The following ERC2 variants were observed in gnomAD, a reference collection of about 807,000 sequenced individuals.
ERC2 encodes the protein ELKS/RAB6-interacting/CAST family member 2.
ERC2 carries 42 observed loss-of-function variants against 114.8 expected under a neutral mutation model. The ratio of observed to expected loss-of-function variants is 0.37; its 90% CI spans 0.29 to 0.47. The LOEUF (loss-of-function observed/expected upper bound fraction) is 0.47. Among genes scored for constraint, ERC2 ranks in the 20% least tolerant of loss-of-function variants. ERC2 has a pLI of 0.99. For synonymous variants in ERC2, 454 were observed against 425.5 expected (o/e 1.07, Z -0.82); for missense variants, 939 against 1,150.7 (o/e 0.82, Z 2.66).
intron 13 of ERC2, among the ~76,000 whole-genome samples, chr3:55,940,372 G>T (rs188951574): frequency 6.6e-6 from 1 of 151,858 alleles, no homozygotes; most frequent in African/African-American, 2.4e-5. Flanking sequence ...TGATACATTC[G>T]TCTCTCACCC....
intron 7 of ERC2, among the ~76,000 whole-genome samples, chr3:56,025,008 G>C (rs1332870365): frequency 6.6e-6 from 1 of 152,186 alleles, no homozygotes; most frequent in Non-Finnish European, 1.5e-5. Context: ...TGTTGAACCT[G>C]TGTCGCACGT....
At chr3:56,016,627 G>C (rs1218359865) in intron 8 of ERC2, among the ~76,000 whole-genome samples, 2 of 151,984 alleles carry the variant, frequency 1.3e-5, no homozygotes, top group Non-Finnish European at 2.9e-5. Flanking sequence ...CCTAACAATA[G>C]AGACTTTCAA....
chr3:55,581,904 G>A (rs189170911), intron 17 of ERC2, among the ~76,000 whole-genome samples: 1 of 152,260 alleles, frequency 6.6e-6, no homozygotes, highest in East Asian at 1.9e-4. Context: ...CTAGAGTCAT[G>A]AGGCCGATCA....
At chr3:55,672,233 G>A (rs141749293) in intron 17 of ERC2, among the ~76,000 whole-genome samples, 1 of 151,470 alleles carries the variant, frequency 6.6e-6, no homozygotes, top group African/African-American at 2.4e-5. Flanking sequence ...AGCTACATGG[G>A]AGGCTGATGT....
At chr3:55,813,053 T>C (rs2059781158) in intron 14 of ERC2, among the ~76,000 whole-genome samples, 1 of 152,226 alleles carries the variant, frequency 6.6e-6, no homozygotes, top group Non-Finnish European at 1.5e-5. Context: ...AATACTGTCA[T>C]TATCCCTATT....
chr3:55,915,377 G>A lies in ERC2; in HGVS notation c.2404-26828C>T, dbSNP rs896627353. Reference sequence around the variant, plus strand: ...AAAAAAAGTCTGCAGTACAACAAAGGGCTGTTATGGAGGTATGTAGCATAT... The same window carrying A: ...AAAAAAAGTCTGCAGTACAACAAAGAGCTGTTATGGAGGTATGTAGCATAT... On this transcript the variant is annotated intron_variant, in intron 13 of 17. Coordinates refer to ENST00000288221, the MANE Select transcript of ERC2 (RefSeq NM_015576.3). Among the ~76,000 whole-genome samples the A allele has an allele frequency of 1.1e-4, 16 of 151,960 alleles. 1 individual carries two copies. The highest frequency in any genetic ancestry group is 1.0e-3 in the Admixed American group (16 of 15,252).
intron 13 of ERC2, among the ~76,000 whole-genome samples, chr3:55,943,067 G>A (rs187328031): frequency 8.5e-5 from 13 of 152,266 alleles, no homozygotes; most frequent in African/African-American, 3.1e-4. Flanking sequence ...ACTAACCTCT[G>A]GTAGCGATAA....
At chr3:55,797,471 A>G (rs192597667) in intron 14 of ERC2, among the ~76,000 whole-genome samples, 161 of 152,308 alleles carry the variant, frequency 1.1e-3, no homozygotes, top group African/African-American at 3.8e-3. Context: ...AAGAAGCAAA[A>G]GTAAATTTTC....
At chr3:56,272,130 C>G (rs1414116490) in intron 3 of ERC2, among the ~76,000 whole-genome samples, 1 of 152,188 alleles carries the variant, frequency 6.6e-6, no homozygotes, top group Non-Finnish European at 1.5e-5. Flanking sequence ...CTTGGGAACT[C>G]TGCTACATTC....
intron 3 of ERC2, among the ~76,000 whole-genome samples, chr3:56,249,271 G>A (rs1289025091): frequency 2.0e-5 from 3 of 152,090 alleles, no homozygotes; most frequent in Admixed American, 2.0e-4. Flanking sequence ...AAAACATGAG[G>A]CATGAGAGAC....
chr3:55,913,760 C>T (rs1428686100), intron 13 of ERC2, among the ~76,000 whole-genome samples: 2 of 152,178 alleles, frequency 1.3e-5, no homozygotes, highest in Non-Finnish European at 2.9e-5. Context: ...CCTCACCTCC[C>T]TTGCTCATGC....
At chr3:55,762,444 C>G (rs2067507368) in intron 14 of ERC2, among the ~76,000 whole-genome samples, 2 of 152,170 alleles carry the variant, frequency 1.3e-5, no homozygotes, top group African/African-American at 4.8e-5. Context: ...CATGTGTGTT[C>G]CAATATCATA....
chr3:55,876,548 G>A (rs1363512714), intron 14 of ERC2, among the ~76,000 whole-genome samples: 1 of 152,178 alleles, frequency 6.6e-6, no homozygotes, highest in East Asian at 1.9e-4. Flanking sequence ...CAAATGGTAA[G>A]GAGAAACAAA....
intron 4 of ERC2, among the ~76,000 whole-genome samples, chr3:56,158,550 C>A (rs1212155139): frequency 1.3e-5 from 2 of 152,024 alleles, no homozygotes; most frequent in African/African-American, 4.8e-5. Flanking sequence ...TATTATGTGC[C>A]AGGATTTTCC....
At chr3:56,461,139 G>A (rs908068314) in intron 1 of ERC2, among the ~76,000 whole-genome samples, 1 of 152,076 alleles carries the variant, frequency 6.6e-6, no homozygotes, top group Non-Finnish European at 1.5e-5. Context: ...CACGGACAGC[G>A]GATGTAGATG....
chr3:56,072,892 C>A (rs1361077043), intron 7 of ERC2, among the ~76,000 whole-genome samples: 1 of 152,028 alleles, frequency 6.6e-6, no homozygotes, highest in Non-Finnish European at 1.5e-5. Flanking sequence ...CTGACTAGCA[C>A]CCCCCTAACA....
intron 14 of ERC2, among the ~76,000 whole-genome samples, chr3:55,862,544 G>A (rs1175637502): frequency 1.3e-5 from 2 of 152,148 alleles, no homozygotes; most frequent in Non-Finnish European, 2.9e-5. Context: ...CTCCAGACTT[G>A]ACTGTTACGT....
intron 2 of ERC2, among the ~76,000 whole-genome samples, chr3:56,377,447 A>G (rs1006706813): frequency 9.2e-5 from 14 of 152,242 alleles, no homozygotes; most frequent in Non-Finnish European, 1.8e-4. Flanking sequence ...GATTGTTGCC[A>G]TAAATTTCCA....
intron 16 of ERC2, among the ~76,000 whole-genome samples, chr3:55,697,738 T>C (rs925572892): frequency 4.6e-5 from 7 of 152,096 alleles, no homozygotes; most frequent in Non-Finnish European, 1.0e-4. Context: ...TCTACTCTTA[T>C]GGTACTCTCT....
Sources: gnomAD v4.1 joint callset for allele counts (sites outside exome capture counted in the v4.1 genomes callset) on GRCh38, gnomAD v4.1.1 for gene constraint, MANE v1.5 for transcripts, NCBI Gene and HGNC (gene_info 2026-07-23, HGNC 2026-07-21) for gene names.